The following SV2C variants were observed in gnomAD, a reference collection of about 807,000 sequenced individuals.
SV2C encodes solute carrier family 22 member B3.
SV2C carries 49 observed loss-of-function variants against 79.7 expected under a neutral mutation model. That is an observed-to-expected ratio of 0.61 (90% confidence interval 0.49 to 0.78). The LOEUF is 0.78. Ranked by LOEUF, SV2C falls within the 30% of genes least tolerant of loss-of-function variation. The pLI, the probability that SV2C is intolerant of heterozygous loss-of-function variation, is 0.00. For synonymous variants in SV2C, 334 were observed against 333.2 expected (o/e 1.00, Z -0.03); for missense variants, 833 against 912.9 (o/e 0.91, Z 1.13).
At chr5:76,241,498 T>G (rs544489729) in intron 4 of SV2C, among the ~76,000 whole-genome samples, 2 of 152,226 alleles carry the variant, frequency 1.3e-5, no homozygotes, top group Non-Finnish European at 2.9e-5. Context: ...AGAATTTATC[T>G]GAAGATCCAT....
At chr5:76,187,051 A>T (rs991811983) in intron 2 of SV2C, among the ~76,000 whole-genome samples, 4 of 152,184 alleles carry the variant, frequency 2.6e-5, no homozygotes, top group Non-Finnish European at 5.9e-5. Context: ...AGGGATGGGG[A>T]TCCCATTGGT....
rs144395407 is a variant in SV2C at position 76,228,545 on chromosome 5, G to A, written c.913+18658G>A. 9.7e-4 allele frequency among the ~76,000 whole-genome samples: 147 copies of A among 152,220 alleles called. 1 individual carries two copies. The highest frequency in any genetic ancestry group is 3.3e-3 in the African/African-American group (139 of 41,546). ...GCTAGAAAATTAAGGCAAGGAAACC[G>A]TAAGTCTGCCCTCCAGACTGCCACG... On this transcript the variant is annotated intron_variant, in intron 4 of 12. Coordinates refer to ENST00000502798, the MANE Select transcript of SV2C (RefSeq NM_014979.4).
At chr5:76,220,822 C>T (rs1179846138) in intron 4 of SV2C, among the ~76,000 whole-genome samples, 1 of 152,084 alleles carries the variant, frequency 6.6e-6, no homozygotes, top group Non-Finnish European at 1.5e-5. Flanking sequence ...CATGTTCCAA[C>T]TGTAGGGTTG....
chr5:75,933,398 A>G, the SV2C span, among the ~76,000 whole-genome samples: 5 of 152,222 alleles, frequency 3.3e-5, no homozygotes, highest in Admixed American at 6.5e-5. Context: ...TATCAATTAT[A>G]TCCTCATCAT....
chr5:75,948,950 A>T, the SV2C span, among the ~76,000 whole-genome samples: 1 of 151,978 alleles, frequency 6.6e-6, no homozygotes, highest in Non-Finnish European at 1.5e-5. Context: ...GTCCCTTCCC[A>T]AATCTCATGT....
the SV2C span, among the ~76,000 whole-genome samples, chr5:76,018,090 A>G: frequency 6.6e-6 from 1 of 152,198 alleles, no homozygotes; most frequent in African/African-American, 2.4e-5. Flanking sequence ...AAAAGGCAGC[A>G]GATCCCTGGG....
intron 2 of SV2C, among the ~76,000 whole-genome samples, chr5:76,147,533 A>G (rs1226675379): frequency 6.6e-6 from 1 of 152,194 alleles, no homozygotes; most frequent in Non-Finnish European, 1.5e-5. Flanking sequence ...GTTTGCCACA[A>G]CGGCCTCTCC....
the SV2C span, among the ~76,000 whole-genome samples, chr5:75,951,827 C>T: frequency 2.0e-5 from 3 of 152,122 alleles, no homozygotes; most frequent in South Asian, 2.1e-4. Flanking sequence ...CTGCTCACCA[C>T]GCTTCTTCCA....
At chr5:76,054,068 C>T in the SV2C span, among the ~76,000 whole-genome samples, 2 of 151,972 alleles carry the variant, frequency 1.3e-5, no homozygotes, top group African/African-American at 4.8e-5. Context: ...TGGTGGTTTG[C>T]TGCAGCCGTC....
the SV2C span, among the ~76,000 whole-genome samples, chr5:75,866,586 A>G: frequency 1.6e-4 from 24 of 152,340 alleles, no homozygotes; most frequent in African/African-American, 5.5e-4. Context: ...CCAAGGCTGA[A>G]GCTTATTTTC....
the SV2C span, among the ~76,000 whole-genome samples, chr5:75,886,396 C>T: frequency 6.6e-6 from 1 of 152,120 alleles, no homozygotes; most frequent in Non-Finnish European, 1.5e-5. Flanking sequence ...TCTGAGCCAC[C>T]AGAGGAGGCC....
intron 1 of SV2C, among the ~76,000 whole-genome samples, chr5:76,124,670 G>A (rs982528367): frequency 5.3e-5 from 8 of 152,098 alleles, no homozygotes; most frequent in Admixed American, 1.3e-4. Context: ...CTATTTTTAT[G>A]TTTTTAGGAA....
At chr5:76,282,075 C>G (rs1747215503) in intron 4 of SV2C, among the ~76,000 whole-genome samples, 1 of 152,136 alleles carries the variant, frequency 6.6e-6, no homozygotes. Context: ...TGAAAACTTA[C>G]CTTCTGAACT....
intron 8 of SV2C, among the ~76,000 whole-genome samples, chr5:76,295,053 AT>A (rs1288977272): frequency 6.6e-6 from 1 of 152,190 alleles, no homozygotes; most frequent in African/African-American, 2.4e-5. Context: ...GACTGGAATG[AT>A]GAGAAAGATA....
At chr5:75,948,848 G>C in the SV2C span, among the ~76,000 whole-genome samples, 1 of 151,980 alleles carries the variant, frequency 6.6e-6, no homozygotes, top group Non-Finnish European at 1.5e-5. Context: ...AAAGGAGGCA[G>C]GGTCTGAGAG....
downstream of SV2C, among the ~76,000 whole-genome samples, chr5:76,337,134 G>A (rs1259087847): frequency 6.6e-6 from 1 of 152,094 alleles, no homozygotes; most frequent in Non-Finnish European, 1.5e-5. Flanking sequence ...GGTGGCTTAA[G>A]CAACCAAATT....
chr5:75,963,705 T>C, the SV2C span, among the ~76,000 whole-genome samples: 5 of 152,144 alleles, frequency 3.3e-5, no homozygotes, highest in African/African-American at 1.2e-4. Context: ...TTCGAGTGTC[T>C]CTTCAGATTG....
the SV2C span, among the ~76,000 whole-genome samples, chr5:76,038,105 G>A: frequency 6.6e-6 from 1 of 152,238 alleles, no homozygotes; most frequent in Non-Finnish European, 1.5e-5. Context: ...TTCGGCTCAC[G>A]CACGGTGCGT....
chr5:75,976,604 A>C, the SV2C span, among the ~76,000 whole-genome samples: 1 of 152,138 alleles, frequency 6.6e-6, no homozygotes, highest in Non-Finnish European at 1.5e-5. Flanking sequence ...GACCAATTGA[A>C]GAATACCATG....
Sources: gnomAD v4.1 joint callset for allele counts (sites outside exome capture counted in the v4.1 genomes callset) on GRCh38, gnomAD v4.1.1 for gene constraint, MANE v1.5 for transcripts, NCBI Gene and HGNC (gene_info 2026-07-23, HGNC 2026-07-21) for gene names.